The following XCR1 variants were observed in gnomAD, a reference collection of about 807,000 sequenced individuals.
XCR1 encodes chemokine XC receptor 1.
For missense variants in XCR1, 356 were observed against 424.2 expected (o/e 0.84, Z 1.41); for synonymous variants, 187 against 188.5 (o/e 0.99, Z 0.06).
At chr3:46,067,372 G>T (rs1190848190) in intron 3 of XCR1, among the ~76,000 whole-genome samples, 1 of 152,208 alleles carries the variant, frequency 6.6e-6, no homozygotes, top group Non-Finnish European at 1.5e-5. Flanking sequence ...TGGGCCATCA[G>T]GGGGTTCAGT....
At chr3:46,077,734 G>T (rs1336889206) in intron 1 of XCR1, among the ~76,000 whole-genome samples, 1 of 152,108 alleles carries the variant, frequency 6.6e-6, no homozygotes, top group Non-Finnish European at 1.5e-5. Context: ...AAATAGCTTT[G>T]TATCAGTCCA....
At chr3:46,084,098 T>C (rs748548862) in intron 1 of XCR1, among the ~76,000 whole-genome samples, 3 of 152,218 alleles carry the variant, frequency 2.0e-5, no homozygotes, top group Non-Finnish European at 4.4e-5. Flanking sequence ...AGCAGCTATG[T>C]AAGTCAATAC....
chr3:46,054,844 G>T (rs1471399397), intron 4 of XCR1, among the ~76,000 whole-genome samples: 1 of 152,196 alleles, frequency 6.6e-6, no homozygotes, highest in Admixed American at 6.5e-5. Context: ...CATCTCATTG[G>T]TTTGTGCTGG....
At chr3:46,036,246 G>A (rs1697429120) in intron 5 of XCR1, among the ~76,000 whole-genome samples, 1 of 152,170 alleles carries the variant, frequency 6.6e-6, no homozygotes, top group South Asian at 2.1e-4. Flanking sequence ...TTTCTGTGGT[G>A]CTGTTTGGCC....
intron 3 of XCR1, among the ~76,000 whole-genome samples, chr3:46,070,757 C>T (rs561271889): frequency 2.6e-5 from 4 of 151,658 alleles, no homozygotes; most frequent in African/African-American, 7.3e-5. Context: ...ACATTTAATC[C>T]ACTTACATTC....
At chr3:46,081,441 C>G (rs1294178519) in intron 1 of XCR1, among the ~76,000 whole-genome samples, 1 of 152,170 alleles carries the variant, frequency 6.6e-6, no homozygotes, top group Non-Finnish European at 1.5e-5. Context: ...GTGATATCCT[C>G]CATTACTGCC....
intron 5 of XCR1, among the ~76,000 whole-genome samples, chr3:46,040,411 G>A (rs1475367278): frequency 6.6e-6 from 1 of 152,052 alleles, no homozygotes; most frequent in East Asian, 1.9e-4. Flanking sequence ...TAAATTCCCT[G>A]AAGTCCAAGA....
intron 1 of XCR1, among the ~76,000 whole-genome samples, chr3:46,022,670 G>T (rs1362542424): frequency 6.6e-6 from 1 of 152,170 alleles, no homozygotes; most frequent in African/African-American, 2.4e-5. Flanking sequence ...GTGAGGCTTA[G>T]AATTATATTT....
At chr3:46,053,329 A>AGG (rs760299784) in intron 5 of XCR1, among the ~76,000 whole-genome samples, 1 of 145,182 alleles carries the variant, frequency 6.9e-6, no homozygotes, top group African/African-American at 2.9e-5. Context: ...AAATAGGAAA[A>AGG]GCACGAGGTC....
At chr3:46,045,765 A>T (rs1188355837) in intron 5 of XCR1, among the ~76,000 whole-genome samples, 1 of 152,222 alleles carries the variant, frequency 6.6e-6, no homozygotes, top group African/African-American at 2.4e-5. Context: ...AACACTGTTG[A>T]TGGGAATGTA....
At chr3:46,037,138 T>C (rs1314169955) in intron 5 of XCR1, among the ~76,000 whole-genome samples, 1 of 152,130 alleles carries the variant, frequency 6.6e-6, no homozygotes, top group African/African-American at 2.4e-5. Flanking sequence ...CCTCATAGTA[T>C]TTCACTAAAA....
At chr3:46,032,787 G>A (rs1708423908) in intron 5 of XCR1, among the ~76,000 whole-genome samples, 1 of 152,202 alleles carries the variant, frequency 6.6e-6, no homozygotes, top group Admixed American at 6.5e-5. Context: ...ATTCACGTTA[G>A]CATTTGATGT....
At chr3:46,061,842 G>T (rs534075470) in intron 4 of XCR1, among the ~76,000 whole-genome samples, 2 of 152,278 alleles carry the variant, frequency 1.3e-5, no homozygotes, top group African/African-American at 4.8e-5. Context: ...GAAAGCCCCA[G>T]GTGAGTGTAA....
At chr3:46,068,892 A>C (rs544276234) in intron 3 of XCR1, among the ~76,000 whole-genome samples, 1 of 152,298 alleles carries the variant, frequency 6.6e-6, no homozygotes, top group East Asian at 1.9e-4. Context: ...TTTTCCTTCC[A>C]GCATGAAATC....
In XCR1 at chr3:46,054,548, AG is replaced by A. The variant is rs149446099; in HGVS notation, c.-182-479del. Among the ~76,000 whole-genome samples, 19 of 150,126 alleles carry A rather than the reference AG, an allele frequency of 1.3e-4. No homozygotes were observed. In the East Asian group the frequency reaches 2.3e-3, roughly 19 times the overall value. ...TAGACAATGGACACTCAAAAGGACG[AG>A]GGGGGGGCGAGTGTGATGGATTACT... On this transcript the variant is annotated intron_variant, in intron 4 of 5. Transcript: ENST00000683768.
intron 3 of XCR1, among the ~76,000 whole-genome samples, chr3:46,068,781 C>CGTGT (rs10583362): frequency 1.1e-3 from 159 of 150,266 alleles, no homozygotes; most frequent in African/African-American, 2.4e-3. Context: ...ACATCATGGA[C>CGTGT]GTGTGTGTGT....
intron 5 of XCR1, among the ~76,000 whole-genome samples, chr3:46,042,880 A>C (rs4683163): frequency 0.22 from 33,744 of 152,104 alleles, 5,152 homozygotes; most frequent in African/African-American, 0.42. Context: ...AAGAAAACTG[A>C]AGTCCAATAT....
At chr3:46,049,319 G>A (rs897976703) in intron 5 of XCR1, among the ~76,000 whole-genome samples, 7 of 152,162 alleles carry the variant, frequency 4.6e-5, no homozygotes, top group Non-Finnish European at 8.8e-5. Context: ...TGTGAGTAAG[G>A]GCGGAAGTAT....
chr3:46,026,748 AT>A (rs1360152895), intron 1 of XCR1, among the ~76,000 whole-genome samples: 1 of 151,544 alleles, frequency 6.6e-6, no homozygotes, highest in East Asian at 1.9e-4. Context: ...ACACCTGGCT[AT>A]TTTTTTGTAT....
Sources: allele counts gnomAD v4.1 joint callset (sites outside exome capture counted in the v4.1 genomes callset), GRCh38; gene constraint gnomAD v4.1.1; transcripts MANE v1.5; gene names NCBI Gene and HGNC (gene_info 2026-07-23, HGNC 2026-07-21).